The following RB1CC1 variants were observed in gnomAD, a reference collection of about 807,000 sequenced individuals.
The protein encoded by RB1CC1 is RB1-inducible coiled-coil protein 1.
A neutral mutation model predicts 177.5 loss-of-function variants in RB1CC1; 46 were observed. The ratio of observed to expected loss-of-function variants is 0.26; its 90% CI spans 0.20 to 0.33. The LOEUF (loss-of-function observed/expected upper bound fraction) is 0.33, where lower values mean the gene tolerates loss of function less well. Among genes scored for constraint, RB1CC1 ranks in the 10% least tolerant of loss-of-function variants. The pLI is 1.00. For missense variants in RB1CC1, 1,703 were observed against 1,816.3 expected, an observed-to-expected ratio of 0.94 and a Z score of 1.13; for synonymous variants, 666 against 613.6, an observed-to-expected ratio of 1.09 and a Z score of -1.26.
chr8:52,658,983 CAAAAAAATTAATTACTT>C lies in RB1CC1; in HGVS notation c.1690-24_1690-8del. ...ACTTTCGAGGCTTTTGAGTCTGTAC[CAAAAAAATTAATTACTT>C]AAAAAATTTTTTTTCAACCAAAAAC... On this transcript the variant is annotated splice_polypyrimidine_tract_variant and splice_region_variant and intron_variant, in intron 12 of 23. Transcript: ENST00000025008. 1 of 1,456,694 alleles carries C rather than the reference CAAAAAAATTAATTACTT, an allele frequency of 6.9e-7. No individual in the cohort carries two copies. The highest frequency in any genetic ancestry group is 9.1e-7 in the Non-Finnish European group (1 of 1,096,344). 90.2% of individuals were successfully genotyped at this position (1,456,694 alleles called of 1,614,324 possible). A position where few individuals can be genotyped will look rare whatever the true frequency, so the allele number is the denominator to read the frequency against.
In RB1CC1 at chr8:52,642,510, C is replaced by T. The variant is rs779306294; in HGVS notation, c.4178G>A (p.Arg1393His). ...KKLEEEVSKLRSSSFVPSPYV... is the reference protein window; with the variant it reads ...KKLEEEVSKLHSSSFVPSPYV... Reference sequence around the variant, plus strand: ...TGGTGAAGGAACAAAACTGCTACTACGCAACTTACTGACTTCTTCTTCAAG... The same window carrying T: ...TGGTGAAGGAACAAAACTGCTACTATGCAACTTACTGACTTCTTCTTCAAG... Residue 1393 changes from arginine (R) to histidine (H), a missense_variant, in exon 18 of 24, where the codon CGT becomes CAT. Physicochemically the swap from Arg to His is conservative, Grantham distance 29. Coordinates refer to ENST00000025008, the MANE Select transcript of RB1CC1 (RefSeq NM_014781.5). The T allele has an allele frequency of 1.8e-5, 29 of 1,613,992 alleles. No individual in the cohort carries two copies. Among genetic ancestry groups the T allele is most frequent in the South Asian group, 6.6e-5 (6 of 91,074 alleles).
At chr8:52,632,403 T>C (rs1197409406) in intron 20 of RB1CC1, among the ~76,000 whole-genome samples, 1 of 152,142 alleles carries the variant, frequency 6.6e-6, no homozygotes, top group East Asian at 1.9e-4. Context: ...CAACAAATAA[T>C]AACTAGGAAG....
At chr8:52,681,238 C>T (rs867032563) in intron 5 of RB1CC1, among the ~76,000 whole-genome samples, 40 of 152,004 alleles carry the variant, frequency 2.6e-4, no homozygotes, top group African/African-American at 7.5e-4. Context: ...CCTCATGATC[C>T]GCCTGCCTTG....
rs151152258 is a variant in RB1CC1 at position 52,709,413 on chromosome 8, A to G, written c.-167+4662T>C. Among the ~76,000 whole-genome samples, 7 of 152,324 alleles carry G rather than the reference A, an allele frequency of 4.6e-5. No homozygotes were observed. In the East Asian group the frequency reaches 1.4e-3, roughly 29 times the overall value. On this transcript the variant is annotated intron_variant, in intron 1 of 23. Coordinates refer to ENST00000025008, the MANE Select transcript of RB1CC1 (RefSeq NM_014781.5). ...TCATGATGATAAAGTCAATTATCCC[A>G]GCCTTACTGTCAACTATTCTAATAC...
In RB1CC1 at chr8:52,714,253, G is replaced by A. The variant is rs905029643; in HGVS notation, c.-345C>T. On this transcript the variant is annotated 5_prime_UTR_variant, in exon 1 of 24. Coordinates refer to ENST00000025008, the MANE Select transcript of RB1CC1 (RefSeq NM_014781.5). Reference sequence around the variant, plus strand: ...CCGCGGCCCCGAACTCTAGGAGGCAGGGAGGGGTCCGGGCGGACAAGGACG... The same window carrying A: ...CCGCGGCCCCGAACTCTAGGAGGCAAGGAGGGGTCCGGGCGGACAAGGACG... 2 of 211,596 alleles carry A rather than the reference G, an allele frequency of 9.5e-6. No individual in the cohort carries two copies. The highest frequency in any genetic ancestry group is 2.0e-5 in the Non-Finnish European group (2 of 100,154). The allele number at this position is 211,596 out of a possible 1,614,324, so 13.1% of individuals were successfully genotyped here.
At chr8:52,693,096 T>C (rs113263503) in intron 1 of RB1CC1, among the ~76,000 whole-genome samples, 3,493 of 152,262 alleles carry the variant, frequency 0.023, 159 homozygotes, top group African/African-American at 0.079. Context: ...ACGGAATCCC[T>C]TCCTTACACC....
intron 1 of RB1CC1, among the ~76,000 whole-genome samples, chr8:52,689,291 C>T (rs111450740): frequency 2.2e-4 from 33 of 152,268 alleles, no homozygotes; most frequent in East Asian, 7.7e-4. Flanking sequence ...AAAAGACATA[C>T]GAACATCAGC....
At chr8:52,679,026 C>T (rs1409901103) in intron 5 of RB1CC1, among the ~76,000 whole-genome samples, 1 of 152,150 alleles carries the variant, frequency 6.6e-6, no homozygotes, top group African/African-American at 2.4e-5. Flanking sequence ...CCACCCCACA[C>T]ATACAATATA....
At chr8:52,668,629 C>A (rs1852282464) in intron 7 of RB1CC1, among the ~76,000 whole-genome samples, 2 of 152,158 alleles carry the variant, frequency 1.3e-5, no homozygotes, top group Non-Finnish European at 2.9e-5. Flanking sequence ...AACGAATCGG[C>A]TTGCTCAATT....
At chr8:52,675,326 C>G (rs1180626070) in intron 6 of RB1CC1, among the ~76,000 whole-genome samples, 1 of 151,812 alleles carries the variant, frequency 6.6e-6, no homozygotes, top group Non-Finnish European at 1.5e-5. Flanking sequence ...AAGATTAAAA[C>G]CAGAACATGC....
Position 52,623,489 on chromosome 8 carries a change from T to C in RB1CC1, c.*293A>G. The C allele has an allele frequency of 1.0e-5, 4 of 394,868 alleles. 1 individual carries two copies. The highest frequency in any genetic ancestry group is 8.4e-5 in the South Asian group (4 of 47,482). 24.5% of individuals were successfully genotyped at this position (394,868 alleles called of 1,614,324 possible). A position where few individuals can be genotyped will look rare whatever the true frequency, so the allele number is the denominator to read the frequency against. On this transcript the variant is annotated 3_prime_UTR_variant, in exon 24 of 24. Transcript: ENST00000025008. ...TAATATGGCTCATCATAAGCCACAA[T>C]GCACAAGGTATGCCCTTTGAGAAAA...
At chr8:52,624,139 C>A (rs979772701) in intron 23 of RB1CC1, among the ~76,000 whole-genome samples, 1 of 151,738 alleles carries the variant, frequency 6.6e-6, no homozygotes, top group Non-Finnish European at 1.5e-5. Context: ...GAATATAATA[C>A]AAAGTGGGCC....
At chr8:52,698,191 T>A (rs1265187932) in intron 1 of RB1CC1, among the ~76,000 whole-genome samples, 2 of 152,194 alleles carry the variant, frequency 1.3e-5, no homozygotes, top group South Asian at 2.1e-4. Flanking sequence ...ATCCTCCCAC[T>A]TAAGCCTCTC....
rs766575761 is a variant in RB1CC1 at position 52,642,822 on chromosome 8, G to C, written c.3988-10C>G. 1.4e-5 allele frequency: 21 copies of C among 1,524,516 alleles called. No individual in the cohort carries two copies. In the East Asian group the frequency reaches 1.6e-4, roughly 12 times the overall value. 94.4% of individuals were successfully genotyped at this position (1,524,516 alleles called of 1,614,324 possible). ...CAGTGTTAAAATTGGTCTGGAACAA[G>C]AGAATAATTATTTAAATTTATCTAC... On this transcript the variant is annotated splice_polypyrimidine_tract_variant and intron_variant, in intron 16 of 23. Transcript: ENST00000025008.
chr8:52,645,033 T>C (rs1157980498), intron 16 of RB1CC1, among the ~76,000 whole-genome samples: 1 of 152,176 alleles, frequency 6.6e-6, no homozygotes, highest in African/African-American at 2.4e-5. Flanking sequence ...ATTATGCCAT[T>C]GTAATTAGTT....
At chr8:52,673,445 T>A (rs931649545) in intron 7 of RB1CC1, among the ~76,000 whole-genome samples, 1 of 152,202 alleles carries the variant, frequency 6.6e-6, no homozygotes, top group Non-Finnish European at 1.5e-5. Context: ...GCATTTGAAA[T>A]TTCTTCTTTA....
At chr8:52,710,186 A>G (rs1022140198) in intron 1 of RB1CC1, among the ~76,000 whole-genome samples, 2 of 152,110 alleles carry the variant, frequency 1.3e-5, no homozygotes, top group African/African-American at 4.8e-5. Context: ...ATCTGATCCT[A>G]CCCCTTCTCT....
chr8:52,635,554 T>A (rs1458707572), intron 19 of RB1CC1, among the ~76,000 whole-genome samples: 1 of 152,152 alleles, frequency 6.6e-6, no homozygotes, highest in East Asian at 1.9e-4. Context: ...AAACCCTTTA[T>A]TATCAGTTTT....
chr8:52,682,746 A>T (rs1006577217), intron 5 of RB1CC1, among the ~76,000 whole-genome samples: 1 of 152,200 alleles, frequency 6.6e-6, no homozygotes, highest in Non-Finnish European at 1.5e-5. Context: ...AATTCAGTTT[A>T]CATAAGTATA....
Sources: gnomAD v4.1 joint callset for allele counts (sites outside exome capture counted in the v4.1 genomes callset) on GRCh38, gnomAD v4.1.1 for gene constraint, MANE v1.5 for transcripts, NCBI Gene and HGNC (gene_info 2026-07-23, HGNC 2026-07-21) for gene names.